FBXO33: variants seen among roughly 807,000 people sequenced by gnomAD.
FBXO33 encodes F-box protein 33.
A neutral mutation model predicts 46.3 loss-of-function variants in FBXO33; 22 were observed. That is an observed-to-expected ratio of 0.48 (90% CI 0.34 to 0.68). The LOEUF (loss-of-function observed/expected upper bound fraction) is 0.68. Ranked by LOEUF, FBXO33 falls within the 30% of genes least tolerant of loss-of-function variation. The probability of loss-of-function intolerance (pLI) is 0.01; values close to 1 mark genes in which losing one functional copy is unlikely to be tolerated. For missense variants in FBXO33, 692 were observed against 708.8 expected (o/e 0.98, Z 0.27); for synonymous variants, 337 against 291.3 (o/e 1.16, Z -1.60).
intron 1 of FBXO33, among the ~76,000 whole-genome samples, chr14:39,404,917 G>C (rs986503110): frequency 6.6e-6 from 1 of 152,006 alleles, no homozygotes; most frequent in Non-Finnish European, 1.5e-5. Flanking sequence ...GGGAGGCTGA[G>C]GTGGGTGGAT....
At chr14:39,431,452 G>C in intron 1 of FBXO33, 112 bp downstream of exon 1, 1 of 1,541,382 alleles carries the variant, frequency 6.5e-7, no homozygotes, top group Non-Finnish European at 8.7e-7. Flanking sequence ...CGTCACTGAG[G>C]AAGGCAACAC....
chr14:39,411,674 C>T (rs1421344019), intron 1 of FBXO33, among the ~76,000 whole-genome samples: 2 of 151,900 alleles, frequency 1.3e-5, no homozygotes, highest in Non-Finnish European at 2.9e-5. Context: ...AGGTGCATGC[C>T]ACCATGCACA....
chr14:39,401,114 A>T, intron 3 of FBXO33, 62 bp downstream of exon 3: 1 of 1,441,686 alleles, frequency 6.9e-7, no homozygotes, highest in Non-Finnish European at 9.4e-7. Context: ...CTATCTCTTT[A>T]CTGGCAGAAA....
intron 1 of FBXO33, among the ~76,000 whole-genome samples, chr14:39,411,240 C>T (rs987680199): frequency 5.9e-5 from 9 of 151,336 alleles, no homozygotes; most frequent in African/African-American, 1.5e-4. Context: ...GGATTACAGG[C>T]GACCACCACC....
At position 39,431,807 on chromosome 14, in the gene FBXO33, G is replaced by A. The variant is rs144811155; in HGVS notation, c.356C>T (p.Pro119Leu). 149 of 1,611,214 alleles carry A rather than the reference G, an allele frequency of 9.2e-5. No homozygotes were observed. The highest frequency in any genetic ancestry group is 5.0e-4 in the Middle Eastern group (3 of 6,060). Residue 119 changes from proline to leucine, a missense_variant, in exon 1 of 4, where the codon CCC (proline) becomes CTC (leucine). By Grantham distance (98) the Pro-to-Leu change is moderately conservative. Transcript: ENST00000298097. Reference sequence around the variant, plus strand: ...GAATTCCAGCCGAGGCTGCTCCGCGGGCGAGACGCGGAGGCAGATGCGGAG... The same window carrying A: ...GAATTCCAGCCGAGGCTGCTCCGCGAGCGAGACGCGGAGGCAGATGCGGAG... ...PQLRICLRVS[P>L]AEQPRLEFLM... is the part of the protein sequence containing the mutation.
At chr14:39,421,149 A>G (rs1354664657) in intron 1 of FBXO33, among the ~76,000 whole-genome samples, 1 of 151,938 alleles carries the variant, frequency 6.6e-6, no homozygotes, top group African/African-American at 2.4e-5. Flanking sequence ...AAGATCAAAG[A>G]CTCTTGCCTC....
intron 1 of FBXO33, among the ~76,000 whole-genome samples, chr14:39,412,038 G>C (rs756687843): frequency 6.6e-6 from 1 of 152,154 alleles, no homozygotes; most frequent in Non-Finnish European, 1.5e-5. Context: ...TTCTGCTGTT[G>C]TTGGATGGAA....
At chr14:39,412,863 C>T (rs1305126318) in intron 1 of FBXO33, among the ~76,000 whole-genome samples, 3 of 152,182 alleles carry the variant, frequency 2.0e-5, no homozygotes, top group African/African-American at 7.2e-5. Context: ...AATACATATA[C>T]CTTAGGTAAA....
chr14:39,409,196 C>T (rs888534600), intron 1 of FBXO33, among the ~76,000 whole-genome samples: 3 of 152,088 alleles, frequency 2.0e-5, no homozygotes, highest in Admixed American at 1.3e-4. Flanking sequence ...CCTATGTTTT[C>T]TGTGAGAAGT....
At chr14:39,422,079 G>A (rs2075488010) in intron 1 of FBXO33, among the ~76,000 whole-genome samples, 1 of 152,116 alleles carries the variant, frequency 6.6e-6, no homozygotes, top group South Asian at 2.1e-4. Flanking sequence ...GCAACATGGT[G>A]AAACCCCGTC....
At chr14:39,406,709 C>T (rs889626547) in intron 1 of FBXO33, among the ~76,000 whole-genome samples, 19 of 152,076 alleles carry the variant, frequency 1.2e-4, no homozygotes, top group African/African-American at 4.1e-4. Context: ...TTCATATTAC[C>T]CAGGTTTTTG....
At chr14:39,406,498 C>T (rs2075399164) in intron 1 of FBXO33, among the ~76,000 whole-genome samples, 1 of 152,078 alleles carries the variant, frequency 6.6e-6, no homozygotes, top group South Asian at 2.1e-4. Flanking sequence ...GACTGTGATC[C>T]TGAAAGATGG....
At chr14:39,404,061 G>T (rs560355429) in intron 1 of FBXO33, among the ~76,000 whole-genome samples, 2 of 152,236 alleles carry the variant, frequency 1.3e-5, no homozygotes, top group South Asian at 4.1e-4. Context: ...TTTCTTGATG[G>T]TATGTCACAT....
chr14:39,415,011 G>A (rs1413597956), intron 1 of FBXO33, among the ~76,000 whole-genome samples: 2 of 152,246 alleles, frequency 1.3e-5, no homozygotes, highest in South Asian at 4.1e-4. Flanking sequence ...TGGGGGAAGG[G>A]CTGGTCCGTA....
At chr14:39,415,269 C>G (rs2075442232) in intron 1 of FBXO33, among the ~76,000 whole-genome samples, 1 of 152,062 alleles carries the variant, frequency 6.6e-6, no homozygotes, top group Non-Finnish European at 1.5e-5. Context: ...TGCACTCCAC[C>G]CCGGGTGTCA....
chr14:39,400,891 T>C (rs939595888), intron 3 of FBXO33, among the ~76,000 whole-genome samples: 4 of 152,260 alleles, frequency 2.6e-5, no homozygotes, highest in African/African-American at 9.6e-5. Context: ...ACCACAGGTA[T>C]GTGTGCTTTC....
chr14:39,415,487 A>G (rs771957439), intron 1 of FBXO33, among the ~76,000 whole-genome samples: 1 of 152,212 alleles, frequency 6.6e-6, no homozygotes, highest in Non-Finnish European at 1.5e-5. Context: ...GTATGCCTGT[A>G]TGTGTTTTTG....
chr14:39,412,184 G>A (rs968985459), intron 1 of FBXO33, among the ~76,000 whole-genome samples: 1 of 152,066 alleles, frequency 6.6e-6, no homozygotes, highest in African/African-American at 2.4e-5. Flanking sequence ...TTATTGTATT[G>A]TTGTTTATTT....
chr14:39,417,965 T>C (rs1404698739), intron 1 of FBXO33, among the ~76,000 whole-genome samples: 1 of 152,206 alleles, frequency 6.6e-6, no homozygotes, highest in African/African-American at 2.4e-5. Flanking sequence ...TATAAAACCA[T>C]ACACAGACTG....
Sources: gnomAD v4.1 joint callset for allele counts (sites outside exome capture counted in the v4.1 genomes callset) on GRCh38, gnomAD v4.1.1 for gene constraint, MANE v1.5 for transcripts, NCBI Gene and HGNC (gene_info 2026-07-23, HGNC 2026-07-21) for gene names.